The following SEMA6D variants were observed in gnomAD, a reference collection of about 807,000 sequenced individuals.
The protein encoded by SEMA6D is semaphorin-6D.
A neutral mutation model predicts 106.6 loss-of-function variants in SEMA6D; 35 were observed. The ratio of observed to expected loss-of-function variants is 0.33; its 90% CI spans 0.25 to 0.44. SEMA6D has a LOEUF of 0.44. SEMA6D is among the 20% of genes least tolerant of loss of function. The pLI is 1.00. For synonymous variants in SEMA6D, 499 were observed against 487.7 expected (o/e 1.02, Z -0.31); for missense variants, 1,185 against 1,345.9 (o/e 0.88, Z 1.87).
chr15:47,295,482 C>G (rs2035768022), intron 1 of SEMA6D, among the ~76,000 whole-genome samples: 1 of 152,080 alleles, frequency 6.6e-6, no homozygotes, highest in Non-Finnish European at 1.5e-5. Context: ...TTTATAGGAC[C>G]AAACTTCTGA....
intron 1 of SEMA6D, among the ~76,000 whole-genome samples, chr15:47,314,247 C>T (rs1298707761): frequency 6.6e-6 from 1 of 152,070 alleles, no homozygotes; most frequent in African/African-American, 2.4e-5. Context: ...GGTGAGTTGT[C>T]TGCTAAGATC....
At chr15:47,572,928 A>C (rs563803501) in intron 3 of SEMA6D, among the ~76,000 whole-genome samples, 1 of 152,310 alleles carries the variant, frequency 6.6e-6, no homozygotes, top group African/African-American at 2.4e-5. Context: ...CCTAAAGGTA[A>C]ATCAAACCAG....
intron 4 of SEMA6D, among the ~76,000 whole-genome samples, chr15:47,673,224 A>T (rs775313236): frequency 4.6e-5 from 7 of 152,206 alleles, no homozygotes; most frequent in Non-Finnish European, 1.0e-4. Context: ...ACCCAATCAT[A>T]AGAAGCCTGA....
chr15:47,262,422 C>T (rs1446694053), intron 1 of SEMA6D, among the ~76,000 whole-genome samples: 2 of 152,042 alleles, frequency 1.3e-5, no homozygotes, highest in Non-Finnish European at 2.9e-5. Flanking sequence ...AATTTGCAAT[C>T]ATGGTTGAAG....
intron 1 of SEMA6D, among the ~76,000 whole-genome samples, chr15:47,320,522 T>C (rs1182315883): frequency 6.6e-6 from 1 of 152,158 alleles, no homozygotes; most frequent in African/African-American, 2.4e-5. Context: ...GTTAGAAAGA[T>C]CATCTTGCCC....
intron 4 of SEMA6D, among the ~76,000 whole-genome samples, chr15:47,702,852 G>A (rs2078840586): frequency 6.6e-6 from 1 of 151,994 alleles, no homozygotes; most frequent in Non-Finnish European, 1.5e-5. Flanking sequence ...GTTGAGAGGG[G>A]AAAAAAGGAG....
At chr15:47,651,690 C>G (rs1053655296) in intron 4 of SEMA6D, among the ~76,000 whole-genome samples, 1 of 152,206 alleles carries the variant, frequency 6.6e-6, no homozygotes, top group Non-Finnish European at 1.5e-5. Context: ...ATCTGATACT[C>G]GATTCATGTC....
chr15:47,339,916 AAAC>A (rs1233144892), intron 1 of SEMA6D, among the ~76,000 whole-genome samples: 16 of 152,222 alleles, frequency 1.1e-4, no homozygotes, highest in African/African-American at 3.9e-4. Context: ...GAGAGGAAGA[AAAC>A]AACAAAAAAA....
At chr15:47,638,509 TATG>T (rs1476641381) in intron 4 of SEMA6D, among the ~76,000 whole-genome samples, 1 of 152,242 alleles carries the variant, frequency 6.6e-6, no homozygotes, top group Non-Finnish European at 1.5e-5. Context: ...GAATCATTTA[TATG>T]ATTTTTTTCT....
intron 2 of SEMA6D, among the ~76,000 whole-genome samples, chr15:47,439,746 A>G (rs746778998): frequency 2.6e-5 from 4 of 152,158 alleles, no homozygotes; most frequent in Non-Finnish European, 5.9e-5. Context: ...TAAGCAGACA[A>G]TAACAATCAG....
intron 3 of SEMA6D, among the ~76,000 whole-genome samples, chr15:47,503,334 G>C (rs1324004153): frequency 6.6e-6 from 1 of 152,080 alleles, no homozygotes; most frequent in African/African-American, 2.4e-5. Context: ...TCTTTTGTCA[G>C]AAAGAAAAAC....
chr15:47,762,095 T>C, intron 7 of SEMA6D, 105 bp from the exon 8 acceptor site: 3 of 1,231,956 alleles, frequency 2.4e-6, no homozygotes, highest in Non-Finnish European at 3.5e-6. Flanking sequence ...GTATAGATAA[T>C]GGTAATACCA....
intron 1 of SEMA6D, among the ~76,000 whole-genome samples, chr15:47,313,556 ATGTT>A (rs1566990618): frequency 6.6e-6 from 1 of 152,088 alleles, no homozygotes; most frequent in Non-Finnish European, 1.5e-5. Context: ...TTTAGCAATT[ATGTT>A]TGTTTGTTTA....
At chr15:47,257,024 A>C (rs1242457272) in intron 1 of SEMA6D, among the ~76,000 whole-genome samples, 2 of 151,208 alleles carry the variant, frequency 1.3e-5, no homozygotes, top group East Asian at 3.9e-4. Context: ...TTGACCTTTC[A>C]GTATTAGGTA....
chr15:47,468,261 A>G (rs939466161), intron 2 of SEMA6D, among the ~76,000 whole-genome samples: 1 of 152,068 alleles, frequency 6.6e-6, no homozygotes, highest in African/African-American at 2.4e-5. Flanking sequence ...GATTTCCATT[A>G]TTGGCATTTT....
At chr15:47,471,081 C>G (rs1596080465) in intron 3 of SEMA6D, among the ~76,000 whole-genome samples, 2 of 152,270 alleles carry the variant, frequency 1.3e-5, no homozygotes, top group African/African-American at 4.8e-5. Context: ...AAGCAGCAGC[C>G]AAGTGCCAGA....
chr15:47,344,173 G>A (rs982318176), intron 1 of SEMA6D, among the ~76,000 whole-genome samples: 2 of 143,100 alleles, frequency 1.4e-5, no homozygotes, highest in African/African-American at 2.8e-5. Context: ...AGTCGGTGTG[G>A]CGATTCCTCA....
intron 4 of SEMA6D, among the ~76,000 whole-genome samples, chr15:47,648,783 T>G (rs2077629175): frequency 6.6e-6 from 1 of 152,188 alleles, no homozygotes; most frequent in South Asian, 2.1e-4. Context: ...GTATTTAATA[T>G]TAGAAGGTTT....
rs932141084 is a variant in SEMA6D at position 47,618,204 on chromosome 15, G to A, written c.-55+17308G>A. Among the ~76,000 whole-genome samples, 14 of 152,178 alleles carry A rather than the reference G, an allele frequency of 9.2e-5. 1 individual carries two copies. The highest frequency in any genetic ancestry group is 7.9e-4 in the Admixed American group (12 of 15,276). On this transcript the variant is annotated intron_variant, in intron 4 of 19. Coordinates refer to the SEMA6D transcript ENST00000558014. ...TGGCTAACAACAACAATAAAAAGCTGAGTAATTTGTAAATATAAAGAGTTA... is the reference window on the plus strand; with the variant it reads ...TGGCTAACAACAACAATAAAAAGCTAAGTAATTTGTAAATATAAAGAGTTA...
Sources: gnomAD v4.1 joint callset for allele counts (sites outside exome capture counted in the v4.1 genomes callset) on GRCh38, gnomAD v4.1.1 for gene constraint, MANE v1.5 for transcripts, NCBI Gene and HGNC (gene_info 2026-07-23, HGNC 2026-07-21) for gene names.